The following POLN variants were observed in gnomAD, a reference collection of about 807,000 sequenced individuals.
POLN encodes DNA polymerase N.
A neutral mutation model predicts 113.5 loss-of-function variants in POLN; 108 were observed. The ratio of observed to expected loss-of-function variants is 0.95; its 90% CI spans 0.81 to 1.12. The LOEUF is 1.12. Ranked by LOEUF, POLN falls within the 50% of genes most tolerant of loss-of-function variation. The probability of loss-of-function intolerance (pLI) is 0.00; values close to 1 mark genes in which losing one functional copy is unlikely to be tolerated. For synonymous variants in POLN, 386 were observed against 391.5 expected (o/e 0.99, Z 0.17); for missense variants, 1,097 against 1,077.1 (o/e 1.02, Z -0.26).
chr4:2,191,692 G>A (rs1012590637), intron 7 of POLN, among the ~76,000 whole-genome samples: 51 of 152,122 alleles, frequency 3.4e-4, no homozygotes. Context: ...TGGGGGTGGG[G>A]AGAGATGATG....
At chr4:2,083,907 A>C (rs1247255385) in intron 21 of POLN, among the ~76,000 whole-genome samples, 1 of 152,226 alleles carries the variant, frequency 6.6e-6, no homozygotes, top group Non-Finnish European at 1.5e-5. Context: ...CAAAATGTAG[A>C]AGGACGTGAG....
intron 23 of POLN, 135 bp downstream of exon 23, chr4:2,080,822 TG>T: frequency 5.2e-6 from 8 of 1,550,776 alleles, no homozygotes; most frequent in Non-Finnish European, 6.9e-6. Context: ...GGGCCTTCCA[TG>T]GGCTGAGAGC....
Position 2,238,678 on chromosome 4 carries a change from C to T in POLN, c.-13+2842G>A, listed in dbSNP as rs1467068977. 3.7e-6 allele frequency: 6 copies of T among 1,613,418 alleles called. No individual in the cohort carries two copies. The East Asian group carries it at 1.1e-4, about 30-fold the overall frequency. On this transcript the variant is annotated intron_variant, in intron 2 of 25. Transcript: ENST00000511885. ...GTTGAGAAACTGATGGATCTGTTAA[C>T]ATTTCTAATTGCTTGTAGAGCATCA...
intron 8 of POLN, among the ~76,000 whole-genome samples, chr4:2,177,773 G>C (rs746225983): frequency 5.3e-5 from 8 of 152,246 alleles, no homozygotes; most frequent in Non-Finnish European, 1.0e-4. Flanking sequence ...TGTGGGTAGG[G>C]ATACTAATCA....
intron 7 of POLN, among the ~76,000 whole-genome samples, chr4:2,189,578 G>A (rs552114908): frequency 3.3e-5 from 5 of 151,398 alleles, no homozygotes; most frequent in Admixed American, 1.3e-4. Context: ...GGCAGAGCTT[G>A]CAGTAAGCCA....
In POLN at chr4:2,198,404, C is replaced by T. The variant is rs1400757979; in HGVS notation, c.908+120G>A. ...CTATCACTTGGATCCATTTTATTTT[C>T]ATGTGCCCATACAAAACTTCTAAAA... is the stretch of plus-strand genomic sequence containing the variant. On this transcript the variant is annotated intron_variant, in intron 6 of 25. Transcript: ENST00000511885. The T allele has an allele frequency of 1.7e-5, 13 of 769,982 alleles. No homozygotes were observed. The Admixed American group carries it at 4.0e-4, about 23-fold the overall frequency. The allele number at this position is 769,982 out of a possible 1,614,324, so 47.7% of individuals were successfully genotyped here. A position where few individuals can be genotyped will look rare whatever the true frequency, so the allele number is the denominator to read the frequency against.
intron 22 of POLN, 51 bp from the exon 23 acceptor site, chr4:2,081,087 T>G (rs762631668): frequency 6.2e-7 from 1 of 1,612,278 alleles, no homozygotes; most frequent in Non-Finnish European, 8.5e-7. Context: ...CGGTTCATGG[T>G]GCACTCAGCA....
chr4:2,085,038 C>G (rs963320868), intron 21 of POLN, among the ~76,000 whole-genome samples: 1 of 152,190 alleles, frequency 6.6e-6, no homozygotes, highest in Non-Finnish European at 1.5e-5. Context: ...AGCCACATCC[C>G]AGTTTCTGAT....
chr4:2,151,802 C>T (rs1732302638), intron 16 of POLN, among the ~76,000 whole-genome samples: 1 of 152,108 alleles, frequency 6.6e-6, no homozygotes, highest in Admixed American at 6.5e-5. Context: ...TCAGTGGTGG[C>T]CAAGGACATG....
At chr4:2,195,581 C>G (rs1454368183) in intron 6 of POLN, among the ~76,000 whole-genome samples, 1 of 151,528 alleles carries the variant, frequency 6.6e-6, no homozygotes, top group Non-Finnish European at 1.5e-5. Flanking sequence ...ACTGCTGGAC[C>G]CAAGCGATCC....
At chr4:2,143,884 A>G (rs973807494) in intron 16 of POLN, among the ~76,000 whole-genome samples, 22 of 152,176 alleles carry the variant, frequency 1.4e-4, no homozygotes, top group Non-Finnish European at 4.4e-5. Flanking sequence ...AAAAACCTGT[A>G]TATGAATGTC....
chr4:2,230,317 C>T (rs890134555), intron 2 of POLN: 1 of 151,894 alleles, frequency 6.6e-6, no homozygotes, highest in African/African-American at 2.4e-5. Flanking sequence ...ATAAATCAAG[C>T]GTCTGGCCAC....
intron 19 of POLN, among the ~76,000 whole-genome samples, chr4:2,118,496 G>A (rs150880352): frequency 1.1e-3 from 167 of 152,284 alleles, no homozygotes; most frequent in African/African-American, 3.7e-3. Context: ...CTCAAAGCAC[G>A]TTCTAGCATT....
At chr4:2,136,093 T>C (rs1468215094) in intron 16 of POLN, among the ~76,000 whole-genome samples, 4 of 152,156 alleles carry the variant, frequency 2.6e-5, no homozygotes, top group Non-Finnish European at 4.4e-5. Context: ...TGACCACCCA[T>C]GAACATTTCA....
chr4:2,177,610 A>G (rs1300341081), intron 8 of POLN, among the ~76,000 whole-genome samples: 1 of 152,188 alleles, frequency 6.6e-6, no homozygotes, highest in East Asian at 1.9e-4. Context: ...CCTGGCCTCA[A>G]TTTGACCCTG....
intron 19 of POLN, among the ~76,000 whole-genome samples, chr4:2,112,519 G>T (rs1731220365): frequency 6.6e-6 from 1 of 152,106 alleles, no homozygotes; most frequent in Non-Finnish European, 1.5e-5. Flanking sequence ...AATCTACAAT[G>T]AACTCAAACA....
At chr4:2,206,552 A>G (rs1203726499) in intron 5 of POLN, among the ~76,000 whole-genome samples, 4 of 152,224 alleles carry the variant, frequency 2.6e-5, no homozygotes. Context: ...AATTAGCAAG[A>G]AAAAAGCAAA....
At chr4:2,121,966 G>A (rs945958442) in intron 19 of POLN, among the ~76,000 whole-genome samples, 2 of 151,822 alleles carry the variant, frequency 1.3e-5, no homozygotes, top group Admixed American at 6.6e-5. Flanking sequence ...TAAGCATTTC[G>A]TGCTATACTT....
At position 2,073,771 on chromosome 4, in the gene POLN, G is replaced by A. The variant is rs554517328; in HGVS notation, c.2456-742C>T. 5.6e-4 allele frequency among the ~76,000 whole-genome samples: 86 copies of A among 152,366 alleles called. 1 individual carries two copies. The highest frequency in any genetic ancestry group is 2.0e-3 in the African/African-American group (84 of 41,588). ...GCAGGAGCCCCAAGCCGTGGTGGGC[G>A]CCACCTCACTTTCCAGCCCTGCTGG... On this transcript the variant is annotated intron_variant, in intron 24 of 25. Coordinates refer to ENST00000511885, the MANE Select transcript of POLN (RefSeq NM_181808.4).
Sources: allele counts gnomAD v4.1 joint callset (sites outside exome capture counted in the v4.1 genomes callset), GRCh38; gene constraint gnomAD v4.1.1; transcripts MANE v1.5; gene names NCBI Gene and HGNC (gene_info 2026-07-23, HGNC 2026-07-21).